Variants in SLC25A13 observed in about 807,000 individuals in gnomAD.
The protein encoded by SLC25A13 is electrogenic aspartate/glutamate antiporter SLC25A13, mitochondrial.
Under a neutral mutation model 85.5 loss-of-function variants are expected in SLC25A13, and 70 were observed. The ratio of observed to expected loss-of-function variants is 0.82; its 90% CI spans 0.68 to 1.00. The LOEUF is 1.00. Ranked by LOEUF, SLC25A13 falls within the 50% of genes least tolerant of loss-of-function variation. The probability of loss-of-function intolerance (pLI) is 0.00; values close to 1 mark genes in which losing one functional copy is unlikely to be tolerated. For missense variants in SLC25A13, 765 were observed against 819.8 expected, an observed-to-expected ratio of 0.93 and a Z score of 0.82; for synonymous variants, 259 against 288.7, an observed-to-expected ratio of 0.90 and a Z score of 1.04.
intron 14 of SLC25A13, among the ~76,000 whole-genome samples, chr7:96,135,597 C>G (rs1263944497): frequency 1.3e-5 from 2 of 152,196 alleles, no homozygotes; most frequent in African/African-American, 4.8e-5. Flanking sequence ...CACCCATTCT[C>G]CAGTACTACA....
intron 1 of SLC25A13, among the ~76,000 whole-genome samples, chr7:96,312,235 T>C (rs974124444): frequency 1.3e-5 from 2 of 152,160 alleles, no homozygotes; most frequent in African/African-American, 4.8e-5. Context: ...ATGTAATCTC[T>C]CTGTACCTCA....
At chr7:96,275,861 A>G (rs1350556081) in intron 3 of SLC25A13, among the ~76,000 whole-genome samples, 1 of 152,194 alleles carries the variant, frequency 6.6e-6, no homozygotes, top group African/African-American at 2.4e-5. Flanking sequence ...CATTGTGCAC[A>G]TGTACCCTAA....
chr7:96,165,109 A>C (rs1793691085), intron 13 of SLC25A13, among the ~76,000 whole-genome samples: 1 of 152,240 alleles, frequency 6.6e-6, no homozygotes, highest in African/African-American at 2.4e-5. Flanking sequence ...CTCAGGATAC[A>C]TCAATGAATA....
chr7:96,180,617 C>T (rs1277646078), intron 11 of SLC25A13, among the ~76,000 whole-genome samples: 1 of 152,226 alleles, frequency 6.6e-6, no homozygotes, highest in Non-Finnish European at 1.5e-5. Context: ...GCATAAGCCA[C>T]CGTACCCGGC....
intron 1 of SLC25A13, chr7:96,306,861 AG>A: frequency 7.5e-7 from 1 of 1,339,876 alleles, no homozygotes; most frequent in Admixed American, 1.7e-5. Context: ...GAGAAGAAGG[AG>A]GAACCCAAGT....
At chr7:96,263,040 A>AC (rs1247979674) in intron 3 of SLC25A13, among the ~76,000 whole-genome samples, 2 of 151,668 alleles carry the variant, frequency 1.3e-5, no homozygotes, top group South Asian at 2.1e-4. Flanking sequence ...AAAAAAAAAA[A>AC]AAAAACAGCA....
chr7:96,177,817 T>C (rs1794282276), intron 11 of SLC25A13, among the ~76,000 whole-genome samples: 1 of 152,202 alleles, frequency 6.6e-6, no homozygotes, highest in Admixed American at 6.5e-5. Context: ...GACTATGTAG[T>C]AGCACTCAAA....
rs56377235 is a variant in SLC25A13, at chr7:96,164,711, TACAC to T, written c.1311+5330_1311+5333del. Among the ~76,000 whole-genome samples, 526 of 143,142 alleles carry T rather than the reference TACAC, an allele frequency of 3.7e-3. 3 individuals carry two copies. Among genetic ancestry groups the T allele is most frequent in the Middle Eastern group, 0.011 (3 of 278 alleles). The allele number at this position is 143,142 out of a possible 152,430, so 93.9% of individuals were successfully genotyped here. Reference sequence around the variant, plus strand: ...CTATGATTTTCAAAAGGATTAACTTTACACACACACACACACACACACACACACA... The same window carrying T: ...CTATGATTTTCAAAAGGATTAACTTTACACACACACACACACACACACACA... On this transcript the variant is annotated intron_variant, in intron 13 of 17. Transcript: ENST00000265631.
chr7:96,124,894 A>C (rs1235303652), intron 15 of SLC25A13, among the ~76,000 whole-genome samples: 2 of 152,192 alleles, frequency 1.3e-5, no homozygotes, highest in Admixed American at 6.5e-5. Context: ...AACAGGTGCA[A>C]TTAATTAGCA....
intron 1 of SLC25A13, 136 bp downstream of exon 1, chr7:96,321,806 G>T: frequency 8.6e-7 from 1 of 1,169,180 alleles, no homozygotes; most frequent in Non-Finnish European, 1.2e-6. Flanking sequence ...TCCAGCAGCC[G>T]CAAGGTGGAA....
intron 1 of SLC25A13, among the ~76,000 whole-genome samples, chr7:96,306,338 C>T (rs1799742445): frequency 1.3e-5 from 2 of 152,222 alleles, no homozygotes; most frequent in South Asian, 4.1e-4. Context: ...AGGGAGCTTC[C>T]CATTTCAGAT....
rs1584593567 is a variant in SLC25A13 at position 96,301,006 on chromosome 7, A to G, written c.16-4055T>C. On this transcript the variant is annotated intron_variant, in intron 1 of 17. Transcript: ENST00000265631. ...TACACAACTTAATTGAAGACAATGCAAAGTTACCATGAGATGTACCAGTTT... is the reference window on the plus strand; with the variant it reads ...TACACAACTTAATTGAAGACAATGCGAAGTTACCATGAGATGTACCAGTTT... 1.3e-5 allele frequency among the ~76,000 whole-genome samples: 2 copies of G among 152,346 alleles called. 1 individual carries two copies. The highest frequency in any genetic ancestry group is 3.9e-4 in the East Asian group (2 of 5,192).
intron 13 of SLC25A13, among the ~76,000 whole-genome samples, chr7:96,153,734 T>C (rs1196636992): frequency 5.3e-5 from 8 of 152,234 alleles, no homozygotes; most frequent in African/African-American, 1.9e-4. Context: ...CTAGCACCAG[T>C]GTAAACAAAC....
rs1466662887 is a variant in SLC25A13 at position 96,121,315 on chromosome 7, T to C, written c.1904A>G (p.Asp635Gly). 4 of 1,614,194 alleles carry C rather than the reference T, an allele frequency of 2.5e-6. No individual in the cohort carries two copies. The highest frequency in any genetic ancestry group is 3.4e-6 in the Non-Finnish European group (4 of 1,180,030). The change falls in exon 18 of 18, where the codon GAT becomes GGT. Residue 635 changes from aspartate (D) to glycine (G), a missense_variant. Coordinates refer to ENST00000265631, the MANE Select transcript of SLC25A13 (RefSeq NM_014251.3). ...SRINLPAPNP[D>G]HVGGYKLAVA... ...TGCCAGTTTGTAGCCCCCAACGTGATCAGGATTCGGGGCAGGCAGGTTGAT... is the reference window on the plus strand; with the variant it reads ...TGCCAGTTTGTAGCCCCCAACGTGACCAGGATTCGGGGCAGGCAGGTTGAT...
At chr7:96,239,030 A>C (rs550328161) in intron 3 of SLC25A13, among the ~76,000 whole-genome samples, 1 of 94,558 alleles carries the variant, frequency 1.1e-5, no homozygotes, top group South Asian at 4.1e-4. Context: ...ATATATGACT[A>C]TATATTTTAT....
Position 96,193,077 on chromosome 7 carries a change from G to C in SLC25A13, c.575C>G (p.Pro192Arg). The change falls in exon 6 of 18, where the codon CCC becomes CGC. Residue 192 changes from proline to arginine, a missense_variant. Transcript: ENST00000265631. The part of the protein sequence containing the change: ...DFRDIMVTIR[P>R]HVLTPFVEEC... ...TTCTACAAAAGGAGTCAAGACATGG[G>C]GGCGGATGGTGACCATGATGTCTCG... is the stretch of plus-strand genomic sequence containing the variant. 2 of 1,613,964 alleles carry C rather than the reference G, an allele frequency of 1.2e-6. No homozygotes were observed. The highest frequency in any genetic ancestry group is 1.7e-6 in the Non-Finnish European group (2 of 1,179,996).
chr7:96,229,903 A>C (rs537818736), intron 4 of SLC25A13, among the ~76,000 whole-genome samples: 1 of 152,344 alleles, frequency 6.6e-6, no homozygotes, highest in East Asian at 1.9e-4. Flanking sequence ...AGTGAGACCA[A>C]GAACCCACCA....
intron 1 of SLC25A13, among the ~76,000 whole-genome samples, chr7:96,318,694 A>G (rs896503187): frequency 1.3e-5 from 2 of 152,266 alleles, no homozygotes; most frequent in African/African-American, 4.8e-5. Context: ...AATTAGCTGT[A>G]TTTAAATAAG....
rs150133979 is a variant in SLC25A13, at chr7:96,127,944, G to A, written c.1591+3799C>T. Among the ~76,000 whole-genome samples, 50 of 152,276 alleles carry A rather than the reference G, an allele frequency of 3.3e-4. No individual in the cohort carries two copies. The East Asian group carries it at 8.9e-3, about 27-fold the overall frequency. The stretch of plus-strand genomic sequence containing the variant: ...CAAAGGGAATGTGGGGGCCTGATCC[G>A]TCCTCCACCCAACAGCCCATTCAGG... On this transcript the variant is annotated intron_variant, in intron 15 of 17. Coordinates refer to ENST00000265631, the MANE Select transcript of SLC25A13 (RefSeq NM_014251.3).
Sources: gnomAD v4.1 joint callset for allele counts (sites outside exome capture counted in the v4.1 genomes callset) on GRCh38, gnomAD v4.1.1 for gene constraint, MANE v1.5 for transcripts, NCBI Gene and HGNC (gene_info 2026-07-23, HGNC 2026-07-21) for gene names.